The following MDGA2 variants were observed in gnomAD, a reference collection of about 807,000 sequenced individuals.
MDGA2 encodes the protein MAM domain-containing glycosylphosphatidylinositol anchor protein 2.
In MDGA2, 40 loss-of-function variants were observed where a neutral mutation model predicts 117.8. The observed-to-expected ratio is 0.34, with a 90% CI of 0.26 to 0.44. The LOEUF (loss-of-function observed/expected upper bound fraction) is 0.44. MDGA2 is among the 20% of genes least tolerant of loss of function. The pLI is 1.00. For missense variants in MDGA2, 1,123 were observed against 1,250.6 expected, an observed-to-expected ratio of 0.90 and a Z score of 1.54; for synonymous variants, 452 against 439.0, an observed-to-expected ratio of 1.03 and a Z score of -0.37.
intron 1 of MDGA2, among the ~76,000 whole-genome samples, chr14:47,349,191 A>G (rs1003692731): frequency 3.3e-5 from 5 of 152,216 alleles, no homozygotes; most frequent in African/African-American, 1.2e-4. Flanking sequence ...ATAGGGAGAC[A>G]AGTGCTAATA....
At chr14:47,376,540 T>G (rs1891482136) in intron 1 of MDGA2, among the ~76,000 whole-genome samples, 1 of 129,720 alleles carries the variant, frequency 7.7e-6, no homozygotes, top group Non-Finnish European at 1.6e-5. Context: ...ATGCTAACTT[T>G]AAACCTTATC....
intron 1 of MDGA2, among the ~76,000 whole-genome samples, chr14:47,636,983 AT>A (rs1170898656): frequency 1.3e-5 from 2 of 151,806 alleles, no homozygotes; most frequent in Non-Finnish European, 2.9e-5. Flanking sequence ...AAAAAAAAAA[AT>A]TAAAAAAATG....
chr14:47,536,232 A>C (rs569781223), intron 1 of MDGA2, among the ~76,000 whole-genome samples: 71 of 152,344 alleles, frequency 4.7e-4, no homozygotes, highest in African/African-American at 1.7e-3. Context: ...AGACACAGTC[A>C]AGCAAATACA....
At chr14:47,485,776 G>C (rs189248095) in intron 1 of MDGA2, among the ~76,000 whole-genome samples, 18 of 152,328 alleles carry the variant, frequency 1.2e-4, no homozygotes, top group South Asian at 2.1e-4. Flanking sequence ...AAGGATGCAA[G>C]CCTTAAGCCT....
At chr14:47,274,929 G>A (rs922996448) in intron 2 of MDGA2, among the ~76,000 whole-genome samples, 10 of 152,010 alleles carry the variant, frequency 6.6e-5, no homozygotes, top group African/African-American at 2.4e-4. Flanking sequence ...CTACTATTGA[G>A]TTGTAAGAGT....
intron 1 of MDGA2, among the ~76,000 whole-genome samples, chr14:47,470,396 G>T (rs969402418): frequency 4.0e-5 from 6 of 151,840 alleles, no homozygotes; most frequent in Admixed American, 3.9e-4. Flanking sequence ...ACAGTTTGCT[G>T]AGAATGATGG....
intron 3 of MDGA2, among the ~76,000 whole-genome samples, chr14:47,189,095 A>G (rs1456440238): frequency 6.6e-6 from 1 of 152,128 alleles, no homozygotes; most frequent in Non-Finnish European, 1.5e-5. Flanking sequence ...TAAAAACAAG[A>G]AGACAGAAGA....
chr14:47,379,010 C>T (rs1342093993), intron 1 of MDGA2, among the ~76,000 whole-genome samples: 7 of 152,194 alleles, frequency 4.6e-5, no homozygotes, highest in Non-Finnish European at 5.9e-5. Context: ...AGACTAACAG[C>T]GGATCTCTTG....
At chr14:47,593,390 C>CA (rs1896477987) in intron 1 of MDGA2, among the ~76,000 whole-genome samples, 12 of 152,088 alleles carry the variant, frequency 7.9e-5, no homozygotes, top group Admixed American at 7.9e-4. Flanking sequence ...GGTGTATACC[C>CA]AAAGGAATGT....
At chr14:47,160,340 T>C (rs1393194887) in intron 3 of MDGA2, among the ~76,000 whole-genome samples, 2 of 152,190 alleles carry the variant, frequency 1.3e-5, no homozygotes, top group African/African-American at 4.8e-5. Flanking sequence ...TTGGTTATTC[T>C]CAGGCATCTA....
intron 2 of MDGA2, among the ~76,000 whole-genome samples, chr14:47,235,065 T>C (rs993586431): frequency 6.6e-6 from 1 of 152,168 alleles, no homozygotes; most frequent in Non-Finnish European, 1.5e-5. Flanking sequence ...TTCTTAAGCA[T>C]CTCAAGCATC....
At chr14:47,477,372 G>A (rs984513373) in intron 1 of MDGA2, among the ~76,000 whole-genome samples, 2 of 152,074 alleles carry the variant, frequency 1.3e-5, no homozygotes, top group Admixed American at 1.3e-4. Flanking sequence ...GGAACCTAAA[G>A]TAGTGTCAAG....
chr14:47,468,789 G>C (rs1259277310), intron 1 of MDGA2, among the ~76,000 whole-genome samples: 1 of 152,054 alleles, frequency 6.6e-6, no homozygotes, highest in Non-Finnish European at 1.5e-5. Flanking sequence ...ATAAATGCCA[G>C]GTGCATTGCT....
At chr14:47,523,014 A>G (rs1894901477) in intron 1 of MDGA2, among the ~76,000 whole-genome samples, 1 of 152,192 alleles carries the variant, frequency 6.6e-6, no homozygotes, top group Non-Finnish European at 1.5e-5. Flanking sequence ...CTCCAGATCA[A>G]CAAATTAAAG....
chr14:47,598,070 A>T (rs1896580912), intron 1 of MDGA2, among the ~76,000 whole-genome samples: 1 of 152,202 alleles, frequency 6.6e-6, no homozygotes, highest in Non-Finnish European at 1.5e-5. Flanking sequence ...AAGGCATTCA[A>T]CATCATTATT....
chr14:47,599,125 G>C (rs544174433), intron 1 of MDGA2, among the ~76,000 whole-genome samples: 1 of 151,828 alleles, frequency 6.6e-6, no homozygotes, highest in Non-Finnish European at 1.5e-5. Flanking sequence ...GACCATTTGG[G>C]AAGACATTAT....
chr14:47,465,771 C>T lies in MDGA2; in HGVS notation c.281-164221G>A, dbSNP rs143200059. ...TCAACCATTGTGTAAAGCAGGATGG[C>T]GATTTCTCAAAGAGCTAAAAGCAGC... is the stretch of plus-strand genomic sequence containing the variant. On this transcript the variant is annotated intron_variant, in intron 1 of 16. Coordinates refer to ENST00000399232, the MANE Select transcript of MDGA2 (RefSeq NM_001113498.3). Among the ~76,000 whole-genome samples, 1,391 of 152,160 alleles carry T rather than the reference C, an allele frequency of 9.1e-3. 18 individuals are homozygous for T. Among genetic ancestry groups the T allele is most frequent in the Middle Eastern group, 0.024 (7 of 294 alleles).
chr14:46,922,353 C>G (rs376455339), intron 9 of MDGA2, among the ~76,000 whole-genome samples: 63 of 152,228 alleles, frequency 4.1e-4, no homozygotes, highest in African/African-American at 1.4e-3. Context: ...AGATGGGTAG[C>G]TGCCCACAAG....
intron 2 of MDGA2, among the ~76,000 whole-genome samples, chr14:47,251,010 G>A (rs1887427962): frequency 1.3e-5 from 2 of 152,072 alleles, no homozygotes; most frequent in Admixed American, 1.3e-4. Flanking sequence ...TTCTTCCCCT[G>A]TGGTCTATTT....
Sources: allele counts gnomAD v4.1 joint callset (sites outside exome capture counted in the v4.1 genomes callset), GRCh38; gene constraint gnomAD v4.1.1; transcripts MANE v1.5; gene names NCBI Gene and HGNC (gene_info 2026-07-23, HGNC 2026-07-21).